FAF1: variants seen among roughly 807,000 people sequenced by gnomAD.
The protein encoded by FAF1 is Fas associated factor 1.
In FAF1, 25 loss-of-function variants were observed where a neutral mutation model predicts 92.5. The ratio of observed to expected loss-of-function variants is 0.27; its 90% CI spans 0.20 to 0.38. The LOEUF (loss-of-function observed/expected upper bound fraction) is 0.38. FAF1 is among the 10% of genes least tolerant of loss of function. The pLI, the probability that FAF1 is intolerant of heterozygous loss-of-function variation, is 1.00. For missense variants in FAF1, 636 were observed against 793.3 expected, an observed-to-expected ratio of 0.80 and a Z score of 2.38; for synonymous variants, 234 against 273.2, an observed-to-expected ratio of 0.86 and a Z score of 1.42.
At chr1:50,679,117 C>T (rs1656308641) in intron 7 of FAF1, among the ~76,000 whole-genome samples, 1 of 152,054 alleles carries the variant, frequency 6.6e-6, no homozygotes, top group Admixed American at 6.6e-5. Context: ...TTTTCTGTGC[C>T]AGATCTTTTA....
chr1:50,704,790 A>C (rs1329754875), intron 7 of FAF1, among the ~76,000 whole-genome samples: 1 of 152,182 alleles, frequency 6.6e-6, no homozygotes, highest in Non-Finnish European at 1.5e-5. Context: ...TCAATGAAGA[A>C]AATAAAGCAA....
At position 50,830,893 on chromosome 1, in the gene FAF1, G is replaced by A. The variant is rs886989146; in HGVS notation, c.114+27036C>T. 3.9e-5 allele frequency among the ~76,000 whole-genome samples: 6 copies of A among 151,946 alleles called. No individual in the cohort carries two copies. In the East Asian group the frequency reaches 7.7e-4, roughly 20 times the overall value. The stretch of plus-strand genomic sequence containing the variant: ...TCTTTTTTGTAACCTAAACCCATTT[G>A]GAAGAAAAAAACTTGAAAACCACCA... On this transcript the variant is annotated intron_variant, in intron 2 of 18. Transcript: ENST00000396153.
intron 8 of FAF1, among the ~76,000 whole-genome samples, chr1:50,647,124 T>C (rs988345964): frequency 1.5e-4 from 23 of 152,228 alleles, no homozygotes; most frequent in Admixed American, 4.6e-4. Flanking sequence ...GCTGGGAGTA[T>C]AGGCATGAGC....
chr1:50,688,800 G>T (rs574111050), intron 7 of FAF1, among the ~76,000 whole-genome samples: 6 of 151,792 alleles, frequency 4.0e-5, no homozygotes, highest in Non-Finnish European at 8.8e-5. Flanking sequence ...CAACAAGAGC[G>T]AAACTCTATC....
intron 5 of FAF1, 85 bp downstream of exon 5, chr1:50,744,599 C>T (rs1020960496): frequency 4.5e-6 from 4 of 880,334 alleles, no homozygotes; most frequent in African/African-American, 3.4e-5. Flanking sequence ...TATGTAACAA[C>T]ATTAATTAAA....
At chr1:50,837,244 C>G (rs7522853) in intron 2 of FAF1, among the ~76,000 whole-genome samples, 34,928 of 152,010 alleles carry the variant, frequency 0.23, 4,468 homozygotes, top group Middle Eastern at 0.43. Flanking sequence ...GCGTGAGCCA[C>G]CGTGCCCGGC....
At chr1:50,786,366 T>C (rs1190015962) in intron 4 of FAF1, among the ~76,000 whole-genome samples, 1 of 152,178 alleles carries the variant, frequency 6.6e-6, no homozygotes, top group Non-Finnish European at 1.5e-5. Context: ...AGCGGGCAAA[T>C]ACTGCATTAT....
chr1:50,626,659 CT>C (rs1386749412), intron 8 of FAF1, among the ~76,000 whole-genome samples: 1 of 152,070 alleles, frequency 6.6e-6, no homozygotes, highest in Admixed American at 6.5e-5. Context: ...GGGGTCCGGT[CT>C]TTACATGGGA....
chr1:50,741,183 G>T (rs868364342), intron 5 of FAF1, among the ~76,000 whole-genome samples: 20 of 152,210 alleles, frequency 1.3e-4, no homozygotes, highest in African/African-American at 4.8e-4. Flanking sequence ...AAGCCTGTTG[G>T]AGAAGGTAAC....
At chr1:50,747,036 T>C (rs752290487) in intron 4 of FAF1, among the ~76,000 whole-genome samples, 1 of 152,158 alleles carries the variant, frequency 6.6e-6, no homozygotes, top group Non-Finnish European at 1.5e-5. Flanking sequence ...TCAGATGCTA[T>C]ATGGAAAAGC....
intron 1 of FAF1, among the ~76,000 whole-genome samples, chr1:50,907,495 G>C (rs1357401625): frequency 6.6e-6 from 1 of 152,190 alleles, no homozygotes; most frequent in Non-Finnish European, 1.5e-5. Flanking sequence ...ATTCGGTTGT[G>C]AATCCATCTG....
rs563635668 is a variant in FAF1 at position 50,526,936 on chromosome 1, C to T, written c.1494+8433G>A. ...GTGGCGTGATCTCGGCTCACTGCAA[C>T]GTCTGCCTCTCAGGTTCAAGTGATT... On this transcript the variant is annotated intron_variant, in intron 15 of 18. Coordinates refer to ENST00000396153, the MANE Select transcript of FAF1 (RefSeq NM_007051.3). Among the ~76,000 whole-genome samples, 47 of 151,646 alleles carry T rather than the reference C, an allele frequency of 3.1e-4. 1 individual carries two copies. The highest frequency in any genetic ancestry group is 1.3e-4 in the Admixed American group (2 of 15,224).
At chr1:50,816,969 C>A (rs562623343) in intron 2 of FAF1, among the ~76,000 whole-genome samples, 4 of 152,076 alleles carry the variant, frequency 2.6e-5, no homozygotes, top group African/African-American at 9.7e-5. Context: ...TTTTTGTTAA[C>A]TGGTTGAAGA....
rs145246081 is a variant in FAF1 at position 50,459,527 on chromosome 1, G to C, written c.1869+15937C>G. On this transcript the variant is annotated intron_variant, in intron 18 of 18. Coordinates refer to ENST00000396153, the MANE Select transcript of FAF1 (RefSeq NM_007051.3). ...ACTATACCATCTTTTTAGTTGTTCA[G>C]GCTGGAGACCTCTAAGTCACCTCTG... 1.2e-3 allele frequency among the ~76,000 whole-genome samples: 180 copies of C among 152,180 alleles called. 2 individuals carry two copies. The highest frequency in any genetic ancestry group is 1.9e-3 in the South Asian group (9 of 4,818).
chr1:50,466,996 G>C (rs1397265971), intron 18 of FAF1, among the ~76,000 whole-genome samples: 3 of 151,998 alleles, frequency 2.0e-5, no homozygotes, highest in Non-Finnish European at 2.9e-5. Flanking sequence ...ATCTCTCTTG[G>C]TTACCCACGC....
At chr1:50,713,583 C>T (rs547461662) in intron 6 of FAF1, among the ~76,000 whole-genome samples, 36 of 151,634 alleles carry the variant, frequency 2.4e-4, no homozygotes, top group African/African-American at 8.0e-4. Flanking sequence ...CAAAAAACTA[C>T]GTTTTCTTTT....
At chr1:50,833,117 C>CT (rs1318046506) in intron 2 of FAF1, among the ~76,000 whole-genome samples, 6 of 152,096 alleles carry the variant, frequency 3.9e-5, no homozygotes, top group African/African-American at 1.4e-4. Flanking sequence ...TATTCTGACA[C>CT]TAACTACCCA....
intron 2 of FAF1, among the ~76,000 whole-genome samples, chr1:50,816,149 T>C (rs994887526): frequency 6.6e-6 from 1 of 151,466 alleles, no homozygotes; most frequent in Non-Finnish European, 1.5e-5. Flanking sequence ...CCATTATACG[T>C]CTTATTTTGA....
At chr1:50,607,357 T>C (rs1652475377) in intron 8 of FAF1, among the ~76,000 whole-genome samples, 1 of 152,158 alleles carries the variant, frequency 6.6e-6, no homozygotes, top group Non-Finnish European at 1.5e-5. Flanking sequence ...TTCTCTAAGT[T>C]TTATCACCTG....
Sources: gnomAD v4.1 joint callset for allele counts (sites outside exome capture counted in the v4.1 genomes callset) on GRCh38, gnomAD v4.1.1 for gene constraint, MANE v1.5 for transcripts, NCBI Gene and HGNC (gene_info 2026-07-23, HGNC 2026-07-21) for gene names.